ZNF804B: variants seen among roughly 807,000 people sequenced by gnomAD.
The protein encoded by ZNF804B is zinc finger 804B.
A neutral mutation model predicts 101.4 loss-of-function variants in ZNF804B; 80 were observed. That is an observed-to-expected ratio of 0.79 (90% CI 0.66 to 0.95). The LOEUF (loss-of-function observed/expected upper bound fraction) is 0.95. Ranked by LOEUF, ZNF804B falls within the 40% of genes least tolerant of loss-of-function variation. The pLI, the probability that ZNF804B is intolerant of heterozygous loss-of-function variation, is 0.00. For synonymous variants in ZNF804B, 622 were observed against 558.8 expected (o/e 1.11, Z -1.59); for missense variants, 1,673 against 1,561.9 (o/e 1.07, Z -1.20).
intron 1 of ZNF804B, among the ~76,000 whole-genome samples, chr7:89,022,804 G>T (rs999026132): frequency 3.3e-5 from 5 of 152,160 alleles, no homozygotes; most frequent in Non-Finnish European, 7.3e-5. Flanking sequence ...ACGATAAGTA[G>T]GAGAAAGGAA....
At chr7:88,778,970 T>C (rs1322437700) in intron 1 of ZNF804B, among the ~76,000 whole-genome samples, 1 of 152,170 alleles carries the variant, frequency 6.6e-6, no homozygotes, top group East Asian at 1.9e-4. Flanking sequence ...AAAATTGGGG[T>C]TTTAAAATTT....
chr7:89,221,837 T>C (rs929320633), intron 2 of ZNF804B, among the ~76,000 whole-genome samples: 20 of 151,884 alleles, frequency 1.3e-4, no homozygotes, highest in Non-Finnish European at 2.5e-4. Flanking sequence ...CTGGGTATTC[T>C]CCTTCATTAA....
intron 2 of ZNF804B, among the ~76,000 whole-genome samples, chr7:89,248,005 G>A (rs1789477329): frequency 6.6e-6 from 1 of 152,170 alleles, no homozygotes; most frequent in Non-Finnish European, 1.5e-5. Flanking sequence ...AAGAATTTCA[G>A]AGCTTGCAGA....
chr7:88,839,745 C>T (rs1430710935), intron 1 of ZNF804B, among the ~76,000 whole-genome samples: 3 of 144,322 alleles, frequency 2.1e-5, no homozygotes, highest in Middle Eastern at 3.6e-3. Flanking sequence ...AGAGCAGGTT[C>T]TTCACCGAGA....
intron 1 of ZNF804B, among the ~76,000 whole-genome samples, chr7:89,155,248 A>G (rs751032421): frequency 9.2e-5 from 14 of 152,104 alleles, no homozygotes; most frequent in Non-Finnish European, 1.5e-4. Context: ...GTTACTTCAC[A>G]CTGGATAAAT....
chr7:88,915,953 A>G (rs1792627649), intron 1 of ZNF804B, among the ~76,000 whole-genome samples: 1 of 152,010 alleles, frequency 6.6e-6, no homozygotes, highest in African/African-American at 2.4e-5. Flanking sequence ...TAATGAAAAT[A>G]ATTCAAATGG....
intron 1 of ZNF804B, among the ~76,000 whole-genome samples, chr7:88,795,465 A>C (rs551831217): frequency 6.6e-6 from 1 of 152,188 alleles, no homozygotes; most frequent in East Asian, 1.9e-4. Context: ...TCAAGGGAAA[A>C]GTTTTGGTTC....
At chr7:88,784,378 G>A in intron 1 of ZNF804B, among the ~76,000 whole-genome samples, 1 of 152,136 alleles carries the variant, frequency 6.6e-6, no homozygotes, top group East Asian at 1.9e-4. Flanking sequence ...AAGACAACAT[G>A]CTGTTCCTGA....
At chr7:88,987,561 G>T (rs540429571) in intron 1 of ZNF804B, among the ~76,000 whole-genome samples, 1 of 151,972 alleles carries the variant, frequency 6.6e-6, no homozygotes, top group Admixed American at 6.6e-5. Flanking sequence ...GGCAGGGCAA[G>T]ATAAAAACAC....
At chr7:88,777,183 T>C (rs913517460) in intron 1 of ZNF804B, among the ~76,000 whole-genome samples, 1 of 152,170 alleles carries the variant, frequency 6.6e-6, no homozygotes, top group Non-Finnish European at 1.5e-5. Context: ...GAGCGACTGG[T>C]GCCTACAACC....
intron 1 of ZNF804B, among the ~76,000 whole-genome samples, chr7:88,852,865 A>G (rs1018368306): frequency 6.6e-6 from 1 of 152,064 alleles, no homozygotes; most frequent in Admixed American, 6.6e-5. Flanking sequence ...CCAATACCAA[A>G]CTGCCTCTTC....
chr7:88,963,543 C>A (rs1793417298), intron 1 of ZNF804B, among the ~76,000 whole-genome samples: 1 of 151,300 alleles, frequency 6.6e-6, no homozygotes, highest in Non-Finnish European at 1.5e-5. Context: ...AATGAAAAAT[C>A]TAAACATATG....
chr7:89,229,819 A>C (rs2115735455), intron 2 of ZNF804B, among the ~76,000 whole-genome samples: 1 of 152,334 alleles, frequency 6.6e-6, no homozygotes, highest in South Asian at 2.1e-4. Flanking sequence ...ATGATTAAAA[A>C]ATACACATTA....
chr7:88,994,522 T>C lies in ZNF804B; in HGVS notation c.109-223633T>C, dbSNP rs866018034. Reference sequence around the variant, plus strand: ...AATTTAGGTTAGTGATTTTTAACTTTTTCACTGTAGCCTTTGGCTACTTAA... The same window carrying C: ...AATTTAGGTTAGTGATTTTTAACTTCTTCACTGTAGCCTTTGGCTACTTAA... On this transcript the variant is annotated intron_variant, in intron 1 of 3. Coordinates refer to ENST00000333190, the MANE Select transcript of ZNF804B (RefSeq NM_181646.5). Among the ~76,000 whole-genome samples the C allele has an allele frequency of 3.9e-5, 6 of 152,034 alleles. No individual in the cohort carries two copies. The South Asian group carries it at 1.0e-3, about 26-fold the overall frequency.
In ZNF804B at chr7:88,852,018, G is replaced by A. The variant is rs1476134499; in HGVS notation, c.108+91934G>A. 2.6e-5 allele frequency among the ~76,000 whole-genome samples: 4 copies of A among 152,184 alleles called. No homozygotes were observed. The East Asian group carries it at 7.7e-4, about 29-fold the overall frequency. ...TCAAGTCTAATTGGCATATAGTGGTGGTGAAAAGAGGGCAGGGAGTTTTGT... is the reference window on the plus strand; with the variant it reads ...TCAAGTCTAATTGGCATATAGTGGTAGTGAAAAGAGGGCAGGGAGTTTTGT... On this transcript the variant is annotated intron_variant, in intron 1 of 3. Coordinates refer to ENST00000333190, the MANE Select transcript of ZNF804B (RefSeq NM_181646.5).
intron 1 of ZNF804B, among the ~76,000 whole-genome samples, chr7:89,214,112 A>T (rs7811748): frequency 0.71 from 108,253 of 152,146 alleles, 39,179 homozygotes; most frequent in African/African-American, 0.77. Context: ...AAGTAATTAA[A>T]TACTACAGAA....
chr7:88,834,012 G>A (rs1562806564), intron 1 of ZNF804B, among the ~76,000 whole-genome samples: 1 of 151,734 alleles, frequency 6.6e-6, no homozygotes, highest in East Asian at 1.9e-4. Flanking sequence ...AATGGGGCTA[G>A]TTTTCAGCAT....
chr7:89,010,900 CA>C (rs1465165664), intron 1 of ZNF804B, among the ~76,000 whole-genome samples: 1 of 152,158 alleles, frequency 6.6e-6, no homozygotes, highest in African/African-American at 2.4e-5. Flanking sequence ...GAAAAGTCCA[CA>C]ATGTTCTGTT....
At chr7:88,978,446 TG>T (rs1793648522) in intron 1 of ZNF804B, among the ~76,000 whole-genome samples, 1 of 151,900 alleles carries the variant, frequency 6.6e-6, no homozygotes, top group South Asian at 2.1e-4. Flanking sequence ...ATCCCCTTGC[TG>T]AATTGACACC....
Sources: gnomAD v4.1 joint callset for allele counts (sites outside exome capture counted in the v4.1 genomes callset) on GRCh38, gnomAD v4.1.1 for gene constraint, MANE v1.5 for transcripts, NCBI Gene and HGNC (gene_info 2026-07-23, HGNC 2026-07-21) for gene names.